VWA8: variants seen among roughly 807,000 people sequenced by gnomAD.
VWA8 encodes the protein von Willebrand factor A domain-containing protein 8.
VWA8 carries 221 observed loss-of-function variants against 241.5 expected under a neutral mutation model. That is an observed-to-expected ratio of 0.91 (90% CI 0.82 to 1.02). The LOEUF is 1.02. Among genes scored for constraint, VWA8 ranks in the 50% least tolerant of loss-of-function variants. The probability of loss-of-function intolerance (pLI) is 0.00; values close to 1 mark genes in which losing one functional copy is unlikely to be tolerated. For missense variants in VWA8, 2,322 were observed against 2,328.7 expected (o/e 1.00, Z 0.06); for synonymous variants, 852 against 827.1 (o/e 1.03, Z -0.52).
chr13:41,810,595 G>A (rs1012962803), intron 17 of VWA8, among the ~76,000 whole-genome samples: 1 of 151,996 alleles, frequency 6.6e-6, no homozygotes, highest in Non-Finnish European at 1.5e-5. Flanking sequence ...TTCACAAAGA[G>A]AGACTAGAAG....
chr13:41,576,151 T>A (rs981667280), intron 42 of VWA8, among the ~76,000 whole-genome samples: 1 of 152,240 alleles, frequency 6.6e-6, no homozygotes, highest in Non-Finnish European at 1.5e-5. Flanking sequence ...TTACACATAC[T>A]CTTGTGTTGT....
chr13:41,907,208 T>C (rs1189240176), intron 4 of VWA8, among the ~76,000 whole-genome samples: 1 of 152,154 alleles, frequency 6.6e-6, no homozygotes, highest in Non-Finnish European at 1.5e-5. Flanking sequence ...TAATACCCCT[T>C]TACCCAAGTG....
chr13:41,749,083 A>G (rs1237227934), intron 21 of VWA8, among the ~76,000 whole-genome samples: 1 of 152,142 alleles, frequency 6.6e-6, no homozygotes, highest in Non-Finnish European at 1.5e-5. Context: ...CCTACAGAAT[A>G]GAAGAAAATT....
intron 12 of VWA8, among the ~76,000 whole-genome samples, chr13:41,848,461 G>A (rs1387500623): frequency 1.3e-5 from 2 of 152,142 alleles, no homozygotes. Flanking sequence ...TGTGTCATGG[G>A]CGGAACCAGG....
chr13:41,714,743 CTATT>C (rs2045337906), intron 26 of VWA8, among the ~76,000 whole-genome samples: 1 of 152,050 alleles, frequency 6.6e-6, no homozygotes, highest in African/African-American at 2.4e-5. Context: ...CCAAAAGTCT[CTATT>C]TATCTGCTTC....
Position 41,960,845 on chromosome 13 carries a change from C to A in VWA8, c.163+8G>T. ...CACCAGGGAGGACAGGGGCGCACCC[C>A]GAGTTACCTGTGTCGGCCCCCGAGC... is the stretch of plus-strand genomic sequence containing the variant. On this transcript the variant is annotated splice_region_variant and intron_variant, in intron 1 of 44. Transcript: ENST00000379310. 6.6e-7 allele frequency: 1 copy of A among 1,517,236 alleles called. No homozygotes were observed. The highest frequency in any genetic ancestry group is 8.8e-7 in the Non-Finnish European group (1 of 1,138,678). The allele number at this position is 1,517,236 out of a possible 1,614,324, so 94.0% of individuals were successfully genotyped here.
At chr13:41,769,054 CA>C (rs1228818135) in intron 20 of VWA8, among the ~76,000 whole-genome samples, 1 of 152,110 alleles carries the variant, frequency 6.6e-6, no homozygotes, top group Non-Finnish European at 1.5e-5. Context: ...AGGTGCATGC[CA>C]CCATGCCCAG....
intron 12 of VWA8, among the ~76,000 whole-genome samples, chr13:41,865,009 A>AT (rs1346742306): frequency 6.7e-6 from 1 of 148,456 alleles, no homozygotes; most frequent in Non-Finnish European, 1.5e-5. Context: ...AAAAAAAAAA[A>AT]GGCTAATGTG....
At chr13:41,736,471 C>G (rs1438763861) in intron 21 of VWA8, among the ~76,000 whole-genome samples, 1 of 152,102 alleles carries the variant, frequency 6.6e-6, no homozygotes, top group Non-Finnish European at 1.5e-5. Context: ...AGAGAGCAAG[C>G]ACAATCTGTT....
intron 37 of VWA8, among the ~76,000 whole-genome samples, chr13:41,656,390 T>C (rs2044905608): frequency 6.6e-6 from 1 of 152,118 alleles, no homozygotes; most frequent in African/African-American, 2.4e-5. Flanking sequence ...AAAACAAACA[T>C]CCCGAAGAAA....
chr13:41,933,417 T>C (rs1593880683), intron 2 of VWA8, among the ~76,000 whole-genome samples: 1 of 152,180 alleles, frequency 6.6e-6, no homozygotes, highest in Middle Eastern at 3.4e-3. Context: ...GCAATCCCCA[T>C]TAAAAATCCC....
At chr13:41,661,826 T>C (rs1237236602) in intron 37 of VWA8, among the ~76,000 whole-genome samples, 5 of 152,212 alleles carry the variant, frequency 3.3e-5, no homozygotes, top group African/African-American at 9.6e-5. Context: ...ATTTGCATAT[T>C]GAAAAATCAA....
chr13:41,877,789 A>T (rs1873969555), intron 9 of VWA8, among the ~76,000 whole-genome samples: 1 of 152,146 alleles, frequency 6.6e-6, no homozygotes, highest in Non-Finnish European at 1.5e-5. Flanking sequence ...ACTGTAAGAA[A>T]GCATACTATT....
At chr13:41,875,160 A>G (rs1291090547) in intron 9 of VWA8, among the ~76,000 whole-genome samples, 1 of 152,088 alleles carries the variant, frequency 6.6e-6, no homozygotes, top group East Asian at 1.9e-4. Flanking sequence ...TATTGTTCCC[A>G]CTGTTTCAGT....
intron 27 of VWA8, 63 bp downstream of exon 27, chr13:41,703,240 A>G: frequency 7.7e-6 from 10 of 1,298,432 alleles, no homozygotes; most frequent in Non-Finnish European, 1.1e-5. Flanking sequence ...AATTATCTCC[A>G]GGGAAGATAC....
At chr13:41,871,903 C>T (rs1268103775) in intron 9 of VWA8, among the ~76,000 whole-genome samples, 1 of 152,208 alleles carries the variant, frequency 6.6e-6, no homozygotes, top group Non-Finnish European at 1.5e-5. Flanking sequence ...AATGGTTGAA[C>T]TAGTTTACAG....
At chr13:41,955,728 T>C (rs1878323103) in intron 1 of VWA8, 1 of 152,296 alleles carries the variant, frequency 6.6e-6, no homozygotes, top group Admixed American at 6.5e-5. Flanking sequence ...TTGGAGTCCT[T>C]ATGTAATGAA....
chr13:41,580,271 TG>T (rs1268640176), intron 42 of VWA8, among the ~76,000 whole-genome samples: 2 of 152,230 alleles, frequency 1.3e-5, no homozygotes, highest in African/African-American at 4.8e-5. Flanking sequence ...GAATCAATTC[TG>T]AATTCTTGTT....
chr13:41,642,932 A>C (rs910030788), intron 37 of VWA8, among the ~76,000 whole-genome samples: 2 of 152,236 alleles, frequency 1.3e-5, no homozygotes, highest in African/African-American at 4.8e-5. Context: ...CTGACTCAAA[A>C]AAAAAAGTCC....
Sources: gnomAD v4.1 joint callset for allele counts (sites outside exome capture counted in the v4.1 genomes callset) on GRCh38, gnomAD v4.1.1 for gene constraint, MANE v1.5 for transcripts, NCBI Gene and HGNC (gene_info 2026-07-23, HGNC 2026-07-21) for gene names.